The following TNFSF4 variants were observed in gnomAD, a reference collection of about 807,000 sequenced individuals.
TNFSF4 encodes the protein tumor necrosis factor ligand superfamily member 4.
TNFSF4 carries 4 observed loss-of-function variants against 7.3 expected under a neutral mutation model. The ratio of observed to expected loss-of-function variants is 0.55; its 90% CI spans 0.27 to 1.25. TNFSF4 has a LOEUF of 1.25. Among genes scored for constraint, TNFSF4 ranks in the 50% most tolerant of loss-of-function variants. TNFSF4 has a pLI of 0.12. For missense variants in TNFSF4, 181 were observed against 208.8 expected (o/e 0.87, Z 0.82); for synonymous variants, 76 against 83.7 (o/e 0.91, Z 0.50).
chr1:173,441,138 C>T, the TNFSF4 span, among the ~76,000 whole-genome samples: 28,329 of 152,158 alleles, frequency 0.19, 2,719 homozygotes, highest in East Asian at 0.31. Flanking sequence ...AACCACCACA[C>T]TCACCCCAAA....
At chr1:173,366,341 G>A in the TNFSF4 span, among the ~76,000 whole-genome samples, 1 of 152,084 alleles carries the variant, frequency 6.6e-6, no homozygotes, top group East Asian at 1.9e-4. Context: ...CAACATAGAC[G>A]GAAGTGAAAT....
chr1:173,236,169 T>C, the TNFSF4 span, among the ~76,000 whole-genome samples: 18 of 152,180 alleles, frequency 1.2e-4, no homozygotes, highest in East Asian at 1.9e-3. Context: ...CACCTATGTG[T>C]TTTAGTTACT....
chr1:173,427,628 G>C, the TNFSF4 span, among the ~76,000 whole-genome samples: 1 of 152,174 alleles, frequency 6.6e-6, no homozygotes, highest in Non-Finnish European at 1.5e-5. Context: ...TAAGTCTCTA[G>C]AGTCAACTAT....
At chr1:173,272,725 G>A in the TNFSF4 span, among the ~76,000 whole-genome samples, 1 of 152,108 alleles carries the variant, frequency 6.6e-6, no homozygotes, top group African/African-American at 2.4e-5. Flanking sequence ...CCCCAAAAAT[G>A]TTGCCACGAC....
At chr1:173,214,566 A>G in the TNFSF4 span, among the ~76,000 whole-genome samples, 1 of 152,126 alleles carries the variant, frequency 6.6e-6, no homozygotes, top group Non-Finnish European at 1.5e-5. Flanking sequence ...CAATAACACT[A>G]ATGATAGCTA....
chr1:173,279,283 T>C, the TNFSF4 span, among the ~76,000 whole-genome samples: 1 of 152,146 alleles, frequency 6.6e-6, no homozygotes, highest in Admixed American at 6.6e-5. Flanking sequence ...TACAGAACTC[T>C]CTTTCCATGG....
At chr1:173,331,816 G>A in the TNFSF4 span, among the ~76,000 whole-genome samples, 1 of 152,160 alleles carries the variant, frequency 6.6e-6, no homozygotes, top group Non-Finnish European at 1.5e-5. Context: ...GAGCTATAAT[G>A]CCTCTCAGAC....
the TNFSF4 span, among the ~76,000 whole-genome samples, chr1:173,213,619 A>G: frequency 6.6e-6 from 1 of 152,264 alleles, no homozygotes; most frequent in African/African-American, 2.4e-5. Context: ...TAGACAATAA[A>G]TTGCATTATT....
chr1:173,362,148 ACATT>A, the TNFSF4 span, among the ~76,000 whole-genome samples: 2 of 152,248 alleles, frequency 1.3e-5, no homozygotes, highest in African/African-American at 2.4e-5. Context: ...TATCATCAAT[ACATT>A]CATGTTCTAT....
chr1:173,355,600 A>G, the TNFSF4 span, among the ~76,000 whole-genome samples: 1 of 152,208 alleles, frequency 6.6e-6, no homozygotes, highest in African/African-American at 2.4e-5. Flanking sequence ...TCTCAGCTCC[A>G]TGTACATTGT....
chr1:173,419,043 G>C, the TNFSF4 span, among the ~76,000 whole-genome samples: 1 of 152,182 alleles, frequency 6.6e-6, no homozygotes, highest in Non-Finnish European at 1.5e-5. Flanking sequence ...TTTATAAGAA[G>C]AGTTAGAGTA....
At chr1:173,251,671 G>A in the TNFSF4 span, among the ~76,000 whole-genome samples, 1 of 152,180 alleles carries the variant, frequency 6.6e-6, no homozygotes, top group East Asian at 1.9e-4. Flanking sequence ...AATAGGGATG[G>A]TAACAGTTTC....
the TNFSF4 span, among the ~76,000 whole-genome samples, chr1:173,237,367 G>A: frequency 3.9e-5 from 6 of 152,014 alleles, no homozygotes; most frequent in South Asian, 2.1e-4. Context: ...AAAATTCAAC[G>A]TCCAAGGAAC....
At chr1:173,447,818 C>G in the TNFSF4 span, among the ~76,000 whole-genome samples, 12 of 151,934 alleles carry the variant, frequency 7.9e-5, no homozygotes, top group South Asian at 1.9e-3. Flanking sequence ...TCTAAGCACA[C>G]CAATTAAAAC....
the TNFSF4 span, among the ~76,000 whole-genome samples, chr1:173,434,161 C>T: frequency 4.5e-3 from 687 of 152,326 alleles, 3 homozygotes; most frequent in Non-Finnish European, 7.8e-3. Flanking sequence ...TCTGCAGTGT[C>T]ATCTGCTCAG....
At chr1:173,187,105 C>T (rs564278401) in intron 2 of TNFSF4, among the ~76,000 whole-genome samples, 2 of 152,110 alleles carry the variant, frequency 1.3e-5, no homozygotes, top group African/African-American at 4.8e-5. Flanking sequence ...GTGTTTCTAC[C>T]TGCAGGGTGG....
chr1:173,243,809 T>A, the TNFSF4 span, among the ~76,000 whole-genome samples: 2 of 152,216 alleles, frequency 1.3e-5, no homozygotes, highest in South Asian at 4.1e-4. Flanking sequence ...CTTCCCCATA[T>A]CATGGGTTTG....
chr1:173,263,014 A>G, the TNFSF4 span, among the ~76,000 whole-genome samples: 1 of 152,358 alleles, frequency 6.6e-6, no homozygotes, highest in East Asian at 1.9e-4. Context: ...CAAGAGCCAA[A>G]TCATGAATGA....
the TNFSF4 span, among the ~76,000 whole-genome samples, chr1:173,421,841 C>T: frequency 6.6e-6 from 1 of 152,052 alleles, no homozygotes; most frequent in Non-Finnish European, 1.5e-5. Context: ...TTTAGAACTA[C>T]GCATAAAGAA....
Sources: allele counts gnomAD v4.1 joint callset (sites outside exome capture counted in the v4.1 genomes callset), GRCh38; gene constraint gnomAD v4.1.1; transcripts MANE v1.5; gene names NCBI Gene and HGNC (gene_info 2026-07-23, HGNC 2026-07-21).